The following TYRO3 variants were observed in gnomAD, a reference collection of about 807,000 sequenced individuals.
TYRO3 encodes tyrosine-protein kinase receptor TYRO3.
TYRO3 carries 38 observed loss-of-function variants against 95.2 expected under a neutral mutation model. The ratio of observed to expected loss-of-function variants is 0.40; its 90% CI spans 0.31 to 0.52. The LOEUF is 0.52. TYRO3 is among the 20% of genes least tolerant of loss of function. The pLI is 0.56. For missense variants in TYRO3, 812 were observed against 1,116.4 expected (o/e 0.73, Z 3.89); for synonymous variants, 367 against 432.9 (o/e 0.85, Z 1.89).
chr15:41,562,676 A>T lies in TYRO3; in HGVS notation c.538A>T (p.Ile180Phe), dbSNP rs1446599056. 1 of 1,614,086 alleles carries T rather than the reference A, an allele frequency of 6.2e-7. No individual in the cohort carries two copies. Among genetic ancestry groups the T allele is most frequent in the East Asian group, 2.2e-5 (1 of 44,884 alleles). Residue 180 changes from isoleucine to phenylalanine, a missense_variant, in exon 4 of 19, where the codon ATC becomes TTC. Physicochemically the swap from Ile to Phe is conservative, Grantham distance 21 (BLOSUM62 0). Coordinates refer to ENST00000263798, the MANE Select transcript of TYRO3 (RefSeq NM_006293.4). ...TIVWWRGTTK[I>F]GGPAPSPSVL... ...TGTCTGGTGGAGAGGAACTACGAAGATCGGGGGACCCGCTCCCTCTCCATC... is the reference window on the plus strand; with the variant it reads ...TGTCTGGTGGAGAGGAACTACGAAGTTCGGGGGACCCGCTCCCTCTCCATC...
In TYRO3 at chr15:41,561,539, C is replaced by A. The variant is rs753643768; in HGVS notation, c.309C>A (p.Ser103Arg). 3 of 1,579,854 alleles carry A rather than the reference C, an allele frequency of 1.9e-6. No homozygotes were observed. In the East Asian group the frequency reaches 7.0e-5, roughly 37 times the overall value. Residue 103 changes from serine (S) to arginine (R), a missense_variant and splice_region_variant, in exon 3 of 19, where the codon AGC becomes AGA. Physicochemically the swap from Ser to Arg is moderately radical, Grantham distance 110. Transcript: ENST00000263798. ...VSEQHWIGFL[S>R]LKSVERSDAG... is the part of the protein sequence containing the mutation. ...CAAGCCTCGTATCCTGTTTCCACAG[C>A]CTGAAGTCAGTGGAGCGCTCTGACG...
Position 41,561,179 on chromosome 15 carries a change from G to A in TYRO3, c.177G>A (p.Pro59=), listed in dbSNP as rs773811621. Residue 59 remains proline, a synonymous_variant, in exon 2 of 19, where the codon CCG becomes CCA. Coordinates refer to ENST00000263798, the MANE Select transcript of TYRO3 (RefSeq NM_006293.4). The part of the protein sequence containing the change: ...PVKLTVSQGQ[P]VKLNCSVEGM... ...AGCTGACAGTGTCTCAGGGGCAGCC[G>A]GTGAAGCTCAACTGCAGTGTGGAGG... 28 of 1,614,094 alleles carry A rather than the reference G, an allele frequency of 1.7e-5. No homozygotes were observed. Among genetic ancestry groups the A allele is most frequent in the Non-Finnish European group, 2.3e-5 (27 of 1,180,038 alleles).
intron 1 of TYRO3, 92 bp downstream of exon 1, chr15:41,559,473 G>A (rs2052133222): frequency 7.1e-6 from 2 of 283,238 alleles, no homozygotes; most frequent in Middle Eastern, 1.0e-3. Context: ...GCGGGCTGGA[G>A]TCGGGGTGGG....
chr15:41,570,041 C>G lies in TYRO3; in HGVS notation c.1267C>G (p.Pro423Ala), dbSNP rs1481001015. The G allele has an allele frequency of 1.9e-6, 3 of 1,613,166 alleles. No homozygotes were observed. The highest frequency in any genetic ancestry group is 2.5e-6 in the Non-Finnish European group (3 of 1,180,030). ...SHDRAGQQGP[P>A]HSRTSWVPVV... Reference sequence around the variant, plus strand: ...CCCTCCCACAGGCCAGCAGGGCCCTCCTCACAGCCGCACATCCTGGGTACC... The same window carrying G: ...CCCTCCCACAGGCCAGCAGGGCCCTGCTCACAGCCGCACATCCTGGGTACC... Residue 423 changes from proline to alanine, a missense_variant, in exon 10 of 19, where the codon CCT becomes GCT. Transcript: ENST00000263798.
In TYRO3 at chr15:41,572,462, G is replaced by C. The variant is rs766928213; in HGVS notation, c.1773G>C (p.Arg591Ser). The C allele has an allele frequency of 1.9e-6, 3 of 1,614,190 alleles. No homozygotes were observed. The highest frequency in any genetic ancestry group is 2.5e-6 in the Non-Finnish European group (3 of 1,180,032). The change falls in exon 15 of 19, where the codon AGG becomes AGC. Residue 591 changes from arginine (R) to serine (S), a missense_variant. By Grantham distance (110) the Arg-to-Ser change is moderately radical. Transcript: ENST00000263798. Reference protein sequence around the residue: ...AKLVGVSLRSRAKGRLPIPMV... With the variant: ...AKLVGVSLRSSAKGRLPIPMV... ...TCCCAGGGGTAAGCCTCCGGAGCAG[G>C]GCTAAAGGCCGTCTCCCCATCCCCA... is the stretch of plus-strand genomic sequence containing the variant.
chr15:41,577,198 C>G (rs1234465018), intron 18 of TYRO3: 1 of 152,044 alleles, frequency 6.6e-6, no homozygotes, highest in African/African-American at 2.4e-5. Flanking sequence ...GCCTGTAATC[C>G]CAGCTACTCA....
rs895389716 is a variant in TYRO3 at position 41,582,185 on chromosome 15, C to A, written c.*3909C>A. On this transcript the variant is annotated 3_prime_UTR_variant, in exon 19 of 19. Coordinates refer to ENST00000263798, the MANE Select transcript of TYRO3 (RefSeq NM_006293.4). The stretch of plus-strand genomic sequence containing the variant: ...CCCTCAGCAACATGTTTATAAGGAT[C>A]ATCTAACAACAGCAGTTTTGAAAAG... The A allele has an allele frequency of 1.3e-5, 2 of 151,846 alleles. No individual in the cohort carries two copies. Among genetic ancestry groups the A allele is most frequent in the Non-Finnish European group, 2.9e-5 (2 of 67,998 alleles). The allele number at this position is 151,846 out of a possible 1,614,324, so 9.4% of individuals were successfully genotyped here. A position where few individuals can be genotyped will look rare whatever the true frequency, so the allele number is the denominator to read the frequency against.
intron 18 of TYRO3, among the ~76,000 whole-genome samples, chr15:41,576,481 C>T (rs1400531300): frequency 6.6e-6 from 1 of 151,922 alleles, no homozygotes; most frequent in Non-Finnish European, 1.5e-5. Flanking sequence ...GTGTGTGCCA[C>T]CTTGCCCAAC....
Position 41,559,371 on chromosome 15 carries a change from C to T in TYRO3, c.114C>T (p.Ser38=). 4.5e-6 allele frequency: 1 copy of T among 221,882 alleles called. No individual in the cohort carries two copies. 13.7% of individuals were successfully genotyped at this position (221,882 alleles called of 1,614,324 possible). Reference sequence around the variant, plus strand: ...TGGCTTCTCTGCTGCTCCCGGAGTCCGCCGCCGCAGGTAGGGGCTGGCACG... The same window carrying T: ...TGGCTTCTCTGCTGCTCCCGGAGTCTGCCGCCGCAGGTAGGGGCTGGCACG... ...AALASLLLPE[S]AAAGLKLMGA... Residue 38 remains serine (S), a synonymous_variant, in exon 1 of 19, where the codon TCC becomes TCT. Coordinates refer to ENST00000263798, the MANE Select transcript of TYRO3 (RefSeq NM_006293.4).
chr15:41,569,444 G>A lies in TYRO3; in HGVS notation c.1252+422G>A, dbSNP rs549169132. On this transcript the variant is annotated intron_variant, in intron 9 of 18. Coordinates refer to ENST00000263798, the MANE Select transcript of TYRO3 (RefSeq NM_006293.4). ...TGATTGCACCACTGCACTCCAGCCTGGGCAACAGAGTGAGTCTGTTGTCTC... is the reference window on the plus strand; with the variant it reads ...TGATTGCACCACTGCACTCCAGCCTAGGCAACAGAGTGAGTCTGTTGTCTC... Among the ~76,000 whole-genome samples, 14 of 152,118 alleles carry A rather than the reference G, an allele frequency of 9.2e-5. No individual in the cohort carries two copies. The East Asian group carries it at 2.7e-3, about 29-fold the overall frequency.
Position 41,567,435 on chromosome 15 carries a change from G to T in TYRO3, c.859G>T (p.Asp287Tyr). The change falls in exon 7 of 19, where the codon GAC (aspartate) becomes TAC (tyrosine). Residue 287 changes from aspartate (D) to tyrosine (Y), a missense_variant. Transcript: ENST00000263798. ...GCCCCCCTTTACCTGCCTGCTCCGG[G>T]ACCTGGTGCCTGCCACCAACTACAG... is the stretch of plus-strand genomic sequence containing the variant. ...PVPPFTCLLR[D>Y]LVPATNYSLR... is the part of the protein sequence containing the mutation. The T allele has an allele frequency of 2.5e-6, 4 of 1,609,984 alleles. No homozygotes were observed. Among genetic ancestry groups the T allele is most frequent in the Non-Finnish European group, 3.4e-6 (4 of 1,178,568 alleles).
At position 41,582,474 on chromosome 15, in the gene TYRO3, G is replaced by C. The variant is rs1217150976; in HGVS notation, c.*4198G>C. The C allele has an allele frequency of 6.6e-6, 1 of 152,114 alleles. No individual in the cohort carries two copies. Among genetic ancestry groups the C allele is most frequent in the Non-Finnish European group, 1.5e-5 (1 of 68,090 alleles). 9.4% of individuals were successfully genotyped at this position (152,114 alleles called of 1,614,324 possible). ...GAACCTGGGAGGGGGAGGTTGCAGT[G>C]AGCCACTACATTCCAGCTTGGGTGA... is the stretch of plus-strand genomic sequence containing the variant. On this transcript the variant is annotated 3_prime_UTR_variant, in exon 19 of 19. Coordinates refer to ENST00000263798, the MANE Select transcript of TYRO3 (RefSeq NM_006293.4).
At chr15:41,569,255 C>T (rs2055764543) in intron 9 of TYRO3, among the ~76,000 whole-genome samples, 1 of 149,390 alleles carries the variant, frequency 6.7e-6, no homozygotes, top group African/African-American at 2.5e-5. Context: ...AGTTTGAGAC[C>T]AGCTCTGGCA....
In TYRO3 at chr15:41,582,715, A is replaced by G. The variant is rs2055934240; in HGVS notation, c.*4439A>G. ...ATAATAATAATATAGTTTATTTTTCAGTATTTCATGTTGATTTATCTCAAA... is the reference window on the plus strand; with the variant it reads ...ATAATAATAATATAGTTTATTTTTCGGTATTTCATGTTGATTTATCTCAAA... On this transcript the variant is annotated 3_prime_UTR_variant, in exon 19 of 19. Transcript: ENST00000263798. 1.3e-5 allele frequency: 2 copies of G among 152,306 alleles called. No individual in the cohort carries two copies. The highest frequency in any genetic ancestry group is 2.1e-4 in the South Asian group (1 of 4,832). The allele number at this position is 152,306 out of a possible 1,614,324, so 9.4% of individuals were successfully genotyped here.
intron 18 of TYRO3, among the ~76,000 whole-genome samples, chr15:41,576,645 CTTTTTTTT>C (rs971951671): frequency 5.9e-5 from 6 of 101,090 alleles, no homozygotes; most frequent in African/African-American, 1.7e-4. Flanking sequence ...AGTAGGTTTC[CTTTTTTTT>C]TTTTTTTTTT....
At chr15:41,560,428 TGCGCGCGCGCGC>T (rs150653270) in intron 1 of TYRO3, among the ~76,000 whole-genome samples, 1 of 135,314 alleles carries the variant, frequency 7.4e-6, no homozygotes, top group African/African-American at 3.0e-5. Flanking sequence ...TGTGTGTGTG[TGCGCGCGCGCGC>T]GCGCGCTCGC....
rs139679190 is a variant in TYRO3 at position 41,574,751 on chromosome 15, G to A, written c.2282+936G>A. On this transcript the variant is annotated intron_variant, in intron 18 of 18. Transcript: ENST00000263798. ...GTTTTGTTTTTTGAGACAGGGTCTC[G>A]CTTTGTCACCCAGGCTGGAGTGCAG... 1.3e-3 allele frequency: 589 copies of A among 453,996 alleles called. 2 individuals are homozygous for A. Among genetic ancestry groups the A allele is most frequent in the African/African-American group, 0.01 (520 of 50,082 alleles). The allele number at this position is 453,996 out of a possible 1,614,324, so 28.1% of individuals were successfully genotyped here.
chr15:41,559,901 T>G (rs2052141577), intron 1 of TYRO3, among the ~76,000 whole-genome samples: 2 of 152,284 alleles, frequency 1.3e-5, no homozygotes, highest in Admixed American at 1.3e-4. Flanking sequence ...AGCAGAACCT[T>G]GGAGAGGATG....
chr15:41,559,466 G>A, intron 1 of TYRO3, 85 bp downstream of exon 1: 1 of 290,160 alleles, frequency 3.4e-6, no homozygotes, highest in Non-Finnish European at 6.4e-6. Flanking sequence ...GGGCCTGGCG[G>A]GCTGGAGTCG....
Sources: gnomAD v4.1 joint callset for allele counts (sites outside exome capture counted in the v4.1 genomes callset) on GRCh38, gnomAD v4.1.1 for gene constraint, MANE v1.5 for transcripts, NCBI Gene and HGNC (gene_info 2026-07-23, HGNC 2026-07-21) for gene names.